The following KRABD3 variants were observed in gnomAD, a reference collection of about 807,000 sequenced individuals.
KRABD3 encodes KRAB domain containing 3.
At chr7:149,733,700 C>T in the KRABD3 span, 2 of 1,582,126 alleles carry the variant, frequency 1.3e-6, no homozygotes, top group Non-Finnish European at 1.7e-6. Context: ...TCCGCTGCCT[C>T]CAGACGCTCC....
the KRABD3 span, chr7:149,724,585 GC>G: frequency 4.1e-6 from 5 of 1,221,688 alleles, no homozygotes; most frequent in Non-Finnish European, 5.5e-6. Context: ...CCCTATAAAG[GC>G]CTCAAGGGAT....
the KRABD3 span, chr7:149,722,153 G>A: frequency 2.0e-6 from 1 of 503,860 alleles, no homozygotes; most frequent in East Asian, 3.7e-5. Flanking sequence ...GTGTGAGATT[G>A]TGGCCTACAT....
chr7:149,719,664 T>C, the KRABD3 span: 1 of 1,605,224 alleles, frequency 6.2e-7, no homozygotes, highest in Non-Finnish European at 8.5e-7. The surrounding 1 kb of genome is among the most constrained non-coding windows in gnomAD (Gnocchi z 5.6). Flanking sequence ...GAGACGCTGG[T>C]CTCTGTGGGT....
the KRABD3 span, chr7:149,728,426 C>T: frequency 4.5e-5 from 62 of 1,393,008 alleles, no homozygotes; most frequent in Non-Finnish European, 5.9e-5. Flanking sequence ...ACCCCTGTGA[C>T]CCCCCTTCCC....
chr7:149,723,015 T>C, the KRABD3 span: 1 of 1,320,752 alleles, frequency 7.6e-7, no homozygotes. Context: ...TCAACAGCGA[T>C]TCCTCCTGCT....
the KRABD3 span, chr7:149,733,991 C>T: frequency 3.7e-6 from 6 of 1,610,558 alleles, no homozygotes; most frequent in Non-Finnish European, 3.4e-6. Context: ...GCAGAGGGCC[C>T]TCCAGGAAGA....
At chr7:149,732,792 C>G in the KRABD3 span, among the ~76,000 whole-genome samples, 1 of 151,964 alleles carries the variant, frequency 6.6e-6, no homozygotes, top group Non-Finnish European at 1.5e-5. This position sits in a 1 kb window ranked among gnomAD's most constrained non-coding sequence, Gnocchi z 4.0. Context: ...CTTGCCTGGC[C>G]CTCCTGGCCC....
chr7:149,721,468 G>A, the KRABD3 span: 36 of 1,612,854 alleles, frequency 2.2e-5, no homozygotes, highest in South Asian at 2.9e-4. Flanking sequence ...TGGCCACCAC[G>A]CCCACCGACA....
the KRABD3 span, chr7:149,731,669 T>C: frequency 6.2e-7 from 1 of 1,606,738 alleles, no homozygotes; most frequent in Middle Eastern, 1.7e-4. Context: ...GCTCTTTCTA[T>C]AGGTACAGCT....
At chr7:149,724,859 G>A in the KRABD3 span, 1 of 1,549,474 alleles carries the variant, frequency 6.5e-7, no homozygotes. Context: ...GGTGAGGCCT[G>A]AGATTGGCTG....
the KRABD3 span, chr7:149,734,140 A>T: frequency 6.9e-7 from 1 of 1,447,658 alleles, no homozygotes; most frequent in Non-Finnish European, 9.2e-7. Flanking sequence ...ACCCTCTCCC[A>T]GAGGACGCCA....
At chr7:149,720,697 T>A in the KRABD3 span, 3 of 911,066 alleles carry the variant, frequency 3.3e-6, no homozygotes, top group South Asian at 5.2e-5. Flanking sequence ...CTATATCTCA[T>A]GGGACATGGT....
chr7:149,721,723 A>G, the KRABD3 span: 1 of 747,452 alleles, frequency 1.3e-6, no homozygotes, highest in Admixed American at 2.0e-5. Flanking sequence ...GTAACCACCA[A>G]AGAGGAGGCA....
the KRABD3 span, chr7:149,729,687 T>C: frequency 8.2e-5 from 81 of 985,416 alleles, no homozygotes; most frequent in African/African-American, 1.4e-3. Context: ...AATTCCTTCC[T>C]AGATCTGCTG....
chr7:149,728,681 A>G, the KRABD3 span: 4 of 1,612,854 alleles, frequency 2.5e-6, no homozygotes, highest in Non-Finnish European at 3.4e-6. Flanking sequence ...GGAAGGTAAT[A>G]GTGGCTGCCG....
the KRABD3 span, among the ~76,000 whole-genome samples, chr7:149,718,144 C>T: frequency 2.6e-4 from 39 of 152,166 alleles, no homozygotes; most frequent in East Asian, 1.2e-3. Flanking sequence ...CAGGGGCTCA[C>T]GCCTGTAATC....
chr7:149,725,756 A>G, the KRABD3 span: 1 of 887,942 alleles, frequency 1.1e-6, no homozygotes, highest in African/African-American at 1.7e-5. Flanking sequence ...TGGGAGTTGA[A>G]TCAGTGCCAC....
the KRABD3 span, chr7:149,733,971 T>G: frequency 6.2e-7 from 1 of 1,608,196 alleles, no homozygotes; most frequent in Non-Finnish European, 8.5e-7. Flanking sequence ...AGCAGCCTGC[T>G]GGGAGGAGTG....
the KRABD3 span, chr7:149,725,360 T>G: frequency 1.9e-6 from 3 of 1,605,444 alleles, no homozygotes; most frequent in East Asian, 6.8e-5. Context: ...GAAGCCTGTC[T>G]GAAGGGCATT....
Sources: gnomAD v4.1 joint callset for allele counts (sites outside exome capture counted in the v4.1 genomes callset) on GRCh38, gnomAD v4.1.1 for gene constraint, Gnocchi (gnomAD v3.1) non-coding constraint, MANE v1.5 for transcripts, NCBI Gene and HGNC (gene_info 2026-07-23, HGNC 2026-07-21) for gene names.